NOS1AP: variants seen among roughly 807,000 people sequenced by gnomAD.
The protein encoded by NOS1AP is carboxyl-terminal PDZ ligand of neuronal nitric oxide synthase protein.
A neutral mutation model predicts 56.2 loss-of-function variants in NOS1AP; 21 were observed. The ratio of observed to expected loss-of-function variants is 0.37; its 90% CI spans 0.26 to 0.54. The LOEUF (loss-of-function observed/expected upper bound fraction) is 0.54. NOS1AP is among the 20% of genes least tolerant of loss of function. NOS1AP has a pLI of 0.84. For synonymous variants in NOS1AP, 270 were observed against 274.6 expected (o/e 0.98, Z 0.17); for missense variants, 522 against 657.8 (o/e 0.79, Z 2.26).
intron 3 of NOS1AP, among the ~76,000 whole-genome samples, chr1:162,288,143 T>C (rs896420403): frequency 1.2e-4 from 19 of 152,198 alleles, no homozygotes; most frequent in African/African-American, 4.3e-4. Flanking sequence ...ATTCGTATGG[T>C]GGGAGGATGG....
In NOS1AP at chr1:162,081,774, A is replaced by ATATATTTTTTTTTTTTTTTT; in HGVS notation, c.105+11493_105+11494insATATTTTTTTTTTTTTTTTT. ...TCTATAGATATATATATATATATATATTTTTTTTTTGTAGAGATGGGTTTT... is the reference window on the plus strand; with the variant it reads ...TCTATAGATATATATATATATATATATATATTTTTTTTTTTTTTTTTTTTTTTTTTGTAGAGATGGGTTTT... On this transcript the variant is annotated intron_variant, in intron 1 of 9. Coordinates refer to ENST00000361897, the MANE Select transcript of NOS1AP (RefSeq NM_014697.3). 9.5e-4 allele frequency among the ~76,000 whole-genome samples: 42 copies of ATATATTTTTTTTTTTTTTTT among 44,038 alleles called. 1 individual carries two copies. Among genetic ancestry groups the ATATATTTTTTTTTTTTTTTT allele is most frequent in the Non-Finnish European group, 1.6e-3 (35 of 21,582 alleles). 28.9% of individuals were successfully genotyped at this position (44,038 alleles called of 152,430 possible).
At chr1:162,079,437 T>G (rs1179363683) in intron 1 of NOS1AP, among the ~76,000 whole-genome samples, 1 of 152,212 alleles carries the variant, frequency 6.6e-6, no homozygotes, top group Admixed American at 6.5e-5. Context: ...AATTTGCTAC[T>G]TTGCAATTTT....
At chr1:162,276,582 C>T (rs570147089) in intron 2 of NOS1AP, among the ~76,000 whole-genome samples, 1 of 150,858 alleles carries the variant, frequency 6.6e-6, no homozygotes, top group African/African-American at 2.4e-5. Context: ...TACATCAAAA[C>T]TTCTGGGGGT....
chr1:162,106,447 A>G (rs1007716478), intron 1 of NOS1AP, among the ~76,000 whole-genome samples: 2 of 151,844 alleles, frequency 1.3e-5, no homozygotes, highest in Non-Finnish European at 2.9e-5. Context: ...AAAAACTTAC[A>G]TTTTCTTGCT....
intron 4 of NOS1AP, among the ~76,000 whole-genome samples, chr1:162,310,994 C>G (rs965417785): frequency 6.6e-6 from 1 of 152,098 alleles, no homozygotes; most frequent in Non-Finnish European, 1.5e-5. Context: ...TTTCTCCCTA[C>G]AAATATGTTC....
intron 1 of NOS1AP, among the ~76,000 whole-genome samples, chr1:162,112,801 A>G (rs1354261053): frequency 2.0e-5 from 3 of 152,238 alleles, no homozygotes; most frequent in African/African-American, 7.2e-5. Context: ...TCAAATATAG[A>G]TGTGCATATG....
chr1:162,273,232 C>G (rs1229048669), intron 2 of NOS1AP, among the ~76,000 whole-genome samples: 1 of 143,046 alleles, frequency 7.0e-6, no homozygotes, highest in Non-Finnish European at 1.5e-5. Context: ...GGCGCGATCT[C>G]GGCTCACTGC....
At chr1:162,342,385 C>A (rs76941780) in intron 5 of NOS1AP, among the ~76,000 whole-genome samples, 1 of 152,252 alleles carries the variant, frequency 6.6e-6, no homozygotes, top group African/African-American at 2.4e-5. Flanking sequence ...GTCAAGATGC[C>A]TTTCACATTA....
chr1:162,091,076 G>T (rs1299038840), intron 1 of NOS1AP, among the ~76,000 whole-genome samples: 1 of 151,920 alleles, frequency 6.6e-6, no homozygotes, highest in Non-Finnish European at 1.5e-5. Context: ...TTTTCATGGA[G>T]ATTTAAAAAA....
intron 2 of NOS1AP, among the ~76,000 whole-genome samples, chr1:162,272,363 G>A (rs1250665097): frequency 6.6e-6 from 1 of 152,192 alleles, no homozygotes; most frequent in East Asian, 1.9e-4. Flanking sequence ...CCTGCTGCAT[G>A]TATTCCAGAA....
chr1:162,336,824 G>A (rs10753790), intron 5 of NOS1AP, among the ~76,000 whole-genome samples: 42,508 of 152,052 alleles, frequency 0.28, 6,390 homozygotes, highest in East Asian at 0.56. Flanking sequence ...GTGAAGTGAC[G>A]TCATCTTTAA....
rs142477265 is a variant in NOS1AP at position 162,190,311 on chromosome 1, G to A, written c.177+35835G>A. On this transcript the variant is annotated intron_variant, in intron 2 of 9. Coordinates refer to ENST00000361897, the MANE Select transcript of NOS1AP (RefSeq NM_014697.3). ...CAGCTGTCCTTCCCTGCTTGAATGGGCTCTTCAACTTCAAGATTTCTTTCT... is the reference window on the plus strand; with the variant it reads ...CAGCTGTCCTTCCCTGCTTGAATGGACTCTTCAACTTCAAGATTTCTTTCT... Among the ~76,000 whole-genome samples the A allele has an allele frequency of 1.7e-4, 26 of 151,758 alleles. No individual in the cohort carries two copies. In the East Asian group the frequency reaches 4.9e-3, roughly 29 times the overall value.
chr1:162,302,273 C>G (rs555574523), intron 4 of NOS1AP, among the ~76,000 whole-genome samples: 39 of 152,178 alleles, frequency 2.6e-4, no homozygotes, highest in African/African-American at 9.2e-4. Flanking sequence ...GCATCTGGCC[C>G]AAATGAAGCA....
At position 162,355,198 on chromosome 1, in the gene NOS1AP, A is replaced by C. The variant is rs1256290743; in HGVS notation, c.607A>C (p.Thr203Pro). 3 of 1,614,018 alleles carry C rather than the reference A, an allele frequency of 1.9e-6. No homozygotes were observed. Among genetic ancestry groups the C allele is most frequent in the Non-Finnish European group, 2.5e-6 (3 of 1,179,966 alleles). Residue 203 changes from threonine to proline, a missense_variant, in exon 7 of 10, where the codon ACT (threonine) becomes CCT (proline). This residue lies in a region of NOS1AP where 178 missense variants were observed against 165.0 expected (regional missense o/e 1.08). Transcript: ENST00000361897. ...TGTTGTTCCTGCAGGCCGCCAGCTC[A>C]CTGGAGCCGAGAGGGCCTCCACGGC... The part of the protein sequence containing the change: ...NSSGDPGRQL[T>P]GAERASTATA...
intron 1 of NOS1AP, among the ~76,000 whole-genome samples, chr1:162,146,172 G>GCT (rs557059022): frequency 1.5e-4 from 22 of 151,630 alleles, no homozygotes; most frequent in Non-Finnish European, 2.9e-4. Context: ...GCCTGCGCTA[G>GCT]CTAGTCACTG....
chr1:162,248,293 C>G (rs1289911404), intron 2 of NOS1AP, among the ~76,000 whole-genome samples: 2 of 152,152 alleles, frequency 1.3e-5, no homozygotes, highest in African/African-American at 4.8e-5. Flanking sequence ...AATTGAGACT[C>G]AGGCATGTGA....
chr1:162,301,472 C>T (rs1454876154), intron 4 of NOS1AP, among the ~76,000 whole-genome samples: 4 of 152,168 alleles, frequency 2.6e-5, no homozygotes, highest in Admixed American at 1.3e-4. Flanking sequence ...ATTTATAAGC[C>T]AGCCAGTTTC....
At chr1:162,334,434 G>C (rs1297154946) in intron 5 of NOS1AP, among the ~76,000 whole-genome samples, 1 of 152,212 alleles carries the variant, frequency 6.6e-6, no homozygotes, top group Non-Finnish European at 1.5e-5. Context: ...TAGGAAGAGG[G>C]AGAAAAAGAA....
intron 1 of NOS1AP, among the ~76,000 whole-genome samples, chr1:162,120,509 G>A (rs1279932096): frequency 6.6e-6 from 1 of 152,240 alleles, no homozygotes. Flanking sequence ...GAGGTTTAAT[G>A]GACTCACAGT....
Sources: gnomAD v4.1 joint callset for allele counts (sites outside exome capture counted in the v4.1 genomes callset) on GRCh38, gnomAD v4.1.1 for gene constraint, gnomAD v4.1.1 regional missense constraint, MANE v1.5 for transcripts, NCBI Gene and HGNC (gene_info 2026-07-23, HGNC 2026-07-21) for gene names.